Variants in XKR6 observed in about 807,000 individuals in gnomAD.
The protein encoded by XKR6 is XK-related protein 6.
Under a neutral mutation model 56.7 loss-of-function variants are expected in XKR6, and 22 were observed. The ratio of observed to expected loss-of-function variants is 0.39; its 90% CI spans 0.28 to 0.55. The LOEUF is 0.55. XKR6 is among the 20% of genes least tolerant of loss of function. The pLI is 0.66. For synonymous variants in XKR6, 524 were observed against 387.8 expected, an observed-to-expected ratio of 1.35 and a Z score of -4.13; for missense variants, 852 against 889.0, an observed-to-expected ratio of 0.96 and a Z score of 0.53.
chr8:11,136,012 T>C lies in XKR6; in HGVS notation c.764+64564A>G, dbSNP rs371026858. Among the ~76,000 whole-genome samples, 8 of 152,364 alleles carry C rather than the reference T, an allele frequency of 5.3e-5. No individual in the cohort carries two copies. The East Asian group carries it at 1.5e-3, about 29-fold the overall frequency. On this transcript the variant is annotated intron_variant, in intron 1 of 2. Coordinates refer to ENST00000416569, the MANE Select transcript of XKR6 (RefSeq NM_173683.4). Reference sequence around the variant, plus strand: ...TCAACAATTCTAAGAGGCATTCTTTTATCTATGGAATTGAGATATTTCTTA... The same window carrying C: ...TCAACAATTCTAAGAGGCATTCTTTCATCTATGGAATTGAGATATTTCTTA...
chr8:11,006,365 A>C (rs1389117945), intron 1 of XKR6, among the ~76,000 whole-genome samples: 1 of 152,100 alleles, frequency 6.6e-6, no homozygotes, highest in African/African-American at 2.4e-5. Context: ...GGTGGAGGGA[A>C]CAGTGTGCTG....
intron 1 of XKR6, among the ~76,000 whole-genome samples, chr8:11,162,318 C>G (rs1586635511): frequency 6.6e-6 from 1 of 152,138 alleles, no homozygotes; most frequent in South Asian, 2.1e-4. Context: ...GCCTTCTCCC[C>G]CTTGGCCCTG....
intron 1 of XKR6, among the ~76,000 whole-genome samples, chr8:11,088,387 G>T (rs1167162705): frequency 6.6e-6 from 1 of 152,210 alleles, no homozygotes; most frequent in Non-Finnish European, 1.5e-5. Flanking sequence ...CACGATGCCA[G>T]CATTATTTAT....
intron 1 of XKR6, among the ~76,000 whole-genome samples, chr8:11,071,633 T>C (rs1174541582): frequency 6.7e-6 from 1 of 148,996 alleles, no homozygotes; most frequent in Non-Finnish European, 1.5e-5. Context: ...CCCGAGTCCA[T>C]GAGCCCCGAG....
intron 2 of XKR6, among the ~76,000 whole-genome samples, chr8:10,918,051 C>T (rs903649697): frequency 6.6e-6 from 1 of 152,218 alleles, no homozygotes; most frequent in Non-Finnish European, 1.5e-5. Flanking sequence ...CATCCATCTC[C>T]TCCAGAGCCA....
intron 1 of XKR6, among the ~76,000 whole-genome samples, chr8:11,145,732 A>G (rs566305569): frequency 6.6e-6 from 1 of 152,346 alleles, no homozygotes; most frequent in East Asian, 1.9e-4. Context: ...GATACGCCAT[A>G]TTCATGGGTC....
At chr8:11,065,553 C>A (rs1339040748) in intron 1 of XKR6, among the ~76,000 whole-genome samples, 1 of 151,868 alleles carries the variant, frequency 6.6e-6, no homozygotes, top group African/African-American at 2.4e-5. Flanking sequence ...TTTTTTCTTT[C>A]ACTCTATTTG....
intron 1 of XKR6, among the ~76,000 whole-genome samples, chr8:11,101,977 T>C (rs1267937798): frequency 6.6e-6 from 1 of 152,146 alleles, no homozygotes; most frequent in African/African-American, 2.4e-5. Flanking sequence ...ACGGATGCCA[T>C]CTGAGAAAGA....
chr8:11,006,796 C>G (rs1331393553), intron 1 of XKR6, among the ~76,000 whole-genome samples: 3 of 152,214 alleles, frequency 2.0e-5, no homozygotes. Flanking sequence ...ATATGGAGTT[C>G]CCTGTGGCTG....
intron 1 of XKR6, among the ~76,000 whole-genome samples, chr8:11,128,035 G>T (rs180680138): frequency 6.6e-6 from 1 of 152,278 alleles, no homozygotes; most frequent in Non-Finnish European, 1.5e-5. Flanking sequence ...TTTATCAGTG[G>T]AGGGTAAAAA....
intron 1 of XKR6, among the ~76,000 whole-genome samples, chr8:11,083,508 C>T (rs769106958): frequency 6.6e-6 from 1 of 152,142 alleles, no homozygotes; most frequent in Non-Finnish European, 1.5e-5. Context: ...TTACACCCCC[C>T]GTTGAGCTAT....
At chr8:10,951,037 C>T (rs904655823) in intron 1 of XKR6, among the ~76,000 whole-genome samples, 6 of 152,194 alleles carry the variant, frequency 3.9e-5, no homozygotes, top group Non-Finnish European at 7.3e-5. Context: ...CTGACATCTT[C>T]CTGTGCTTTC....
At chr8:11,182,479 T>C (rs2117093095) in intron 1 of XKR6, among the ~76,000 whole-genome samples, 1 of 152,340 alleles carries the variant, frequency 6.6e-6, no homozygotes, top group Middle Eastern at 3.4e-3. Context: ...TTAGGTGACA[T>C]CTGAGACTGG....
intron 1 of XKR6, among the ~76,000 whole-genome samples, chr8:10,951,649 T>C (rs1282603438): frequency 1.3e-5 from 2 of 152,206 alleles, no homozygotes; most frequent in Non-Finnish European, 2.9e-5. Flanking sequence ...ATCATTCTAT[T>C]CTGCTGCAGA....
At chr8:10,982,442 T>C (rs575510139) in intron 1 of XKR6, among the ~76,000 whole-genome samples, 1 of 152,326 alleles carries the variant, frequency 6.6e-6, no homozygotes. Flanking sequence ...GAAAGCACAA[T>C]GCTCTTTAAC....
intron 1 of XKR6, among the ~76,000 whole-genome samples, chr8:11,038,849 G>A (rs887968263): frequency 6.6e-6 from 1 of 152,076 alleles, no homozygotes; most frequent in Non-Finnish European, 1.5e-5. Context: ...CCGACTTCAG[G>A]CATGTAATAA....
chr8:10,947,081 C>T (rs1488373582), intron 1 of XKR6, among the ~76,000 whole-genome samples: 1 of 152,088 alleles, frequency 6.6e-6, no homozygotes, highest in Non-Finnish European at 1.5e-5. Flanking sequence ...TCAGGAGGCT[C>T]ACTCTGGCTG....
At chr8:11,042,985 G>A (rs983530477) in intron 1 of XKR6, among the ~76,000 whole-genome samples, 1 of 152,080 alleles carries the variant, frequency 6.6e-6, no homozygotes, top group African/African-American at 2.4e-5. Context: ...ACGAGCCCAG[G>A]GCAGTGGTGG....
chr8:11,045,925 CAG>C (rs1362791140), intron 1 of XKR6, among the ~76,000 whole-genome samples: 4 of 152,178 alleles, frequency 2.6e-5, no homozygotes, highest in Non-Finnish European at 4.4e-5. Flanking sequence ...ATCAAAATAA[CAG>C]AAAATCCCAA....
Sources: allele counts gnomAD v4.1 joint callset (sites outside exome capture counted in the v4.1 genomes callset), GRCh38; gene constraint gnomAD v4.1.1; transcripts MANE v1.5; gene names NCBI Gene and HGNC (gene_info 2026-07-23, HGNC 2026-07-21).